Variants in NAAA observed in about 807,000 individuals in gnomAD.
NAAA encodes the protein N-acylethanolamine acid amidase, also known as N-acylethanolamine-hydrolyzing acid amidase.
A neutral mutation model predicts 44.8 loss-of-function variants in NAAA; 39 were observed. That is an observed-to-expected ratio of 0.87 (90% CI 0.67 to 1.14). The LOEUF (loss-of-function observed/expected upper bound fraction) is 1.14, where lower values mean the gene tolerates loss of function less well. Ranked by LOEUF, NAAA falls within the 50% of genes most tolerant of loss-of-function variation. The pLI is 0.00. For missense variants in NAAA, 460 were observed against 467.8 expected, an observed-to-expected ratio of 0.98 and a Z score of 0.15; for synonymous variants, 178 against 191.3, an observed-to-expected ratio of 0.93 and a Z score of 0.58.
downstream of NAAA, among the ~76,000 whole-genome samples, chr4:75,912,544 ACT>A (rs780519663): frequency 3.5e-4 from 50 of 144,434 alleles, no homozygotes; most frequent in Middle Eastern, 7.1e-3. Context: ...ACAGAGGGAG[ACT>A]CTGTCTGGAA....
chr4:75,929,083 C>T (rs1025827160), intron 4 of NAAA, among the ~76,000 whole-genome samples: 11 of 152,024 alleles, frequency 7.2e-5, no homozygotes, highest in South Asian at 2.1e-4. Context: ...TGATCCACCG[C>T]GCCCGGCCCA....
At position 75,914,217 on chromosome 4, in the gene NAAA, C is replaced by T. The variant is rs374582678; in HGVS notation, c.*158G>A. ...AACTCCAAATCTCCTGGACCCACTTCGCAAGGTTGTAAAGTTAAATGAGGA... is the reference window on the plus strand; with the variant it reads ...AACTCCAAATCTCCTGGACCCACTTTGCAAGGTTGTAAAGTTAAATGAGGA... On this transcript the variant is annotated 3_prime_UTR_variant, in exon 11 of 11. Coordinates refer to ENST00000286733, the MANE Select transcript of NAAA (RefSeq NM_014435.4). The T allele has an allele frequency of 1.1e-5, 11 of 985,620 alleles. No individual in the cohort carries two copies. In the African/African-American group the frequency reaches 1.4e-4, roughly 13 times the overall value. The allele number at this position is 985,620 out of a possible 1,614,324, so 61.1% of individuals were successfully genotyped here.
chr4:75,937,413 C>T (rs767953512), intron 2 of NAAA, among the ~76,000 whole-genome samples: 10 of 152,098 alleles, frequency 6.6e-5, no homozygotes, highest in South Asian at 4.1e-4. Context: ...AGTGAGACTC[C>T]GTCTCAAACA....
At chr4:75,924,053 TCA>T (rs1726429923) in intron 5 of NAAA, among the ~76,000 whole-genome samples, 1 of 152,172 alleles carries the variant, frequency 6.6e-6, no homozygotes, top group African/African-American at 2.4e-5. Flanking sequence ...CTCCTTCATT[TCA>T]CCACAGAAGC....
chr4:75,925,049 T>C (rs772835828), intron 5 of NAAA, among the ~76,000 whole-genome samples: 2 of 151,880 alleles, frequency 1.3e-5, no homozygotes, highest in African/African-American at 4.8e-5. Context: ...TGGAGTTCAG[T>C]GGCACCATCT....
At chr4:75,934,579 G>T (rs377513264) in intron 3 of NAAA, among the ~76,000 whole-genome samples, 1 of 150,722 alleles carries the variant, frequency 6.6e-6, no homozygotes, top group African/African-American at 2.4e-5. Context: ...CGCCTGCCTC[G>T]GCCTCCCAAA....
At chr4:75,928,605 C>G (rs559405700) in intron 4 of NAAA, among the ~76,000 whole-genome samples, 1 of 152,092 alleles carries the variant, frequency 6.6e-6, no homozygotes, top group South Asian at 2.1e-4. Flanking sequence ...GCCTAGTAGA[C>G]GTCAGAGTGG....
intron 7 of NAAA, 81 bp from the exon 8 acceptor site, chr4:75,920,056 T>C: frequency 1.6e-6 from 2 of 1,254,256 alleles, no homozygotes; most frequent in Non-Finnish European, 2.3e-6. Flanking sequence ...GGAGGCAGAA[T>C]GCAAGCTCCA....
intron 3 of NAAA, among the ~76,000 whole-genome samples, chr4:75,934,221 G>C (rs1294088309): frequency 2.0e-5 from 3 of 151,826 alleles, no homozygotes; most frequent in Non-Finnish European, 4.4e-5. Flanking sequence ...CTGTGAAGCT[G>C]GGCCCCCTCA....
chr4:75,916,348 T>C (rs1269200906), intron 9 of NAAA: 1 of 152,256 alleles, frequency 6.6e-6, no homozygotes, highest in African/African-American at 2.4e-5. Flanking sequence ...AAGTCTGTGT[T>C]AATTCTGGCT....
rs1249079222 is a variant in NAAA, at chr4:75,915,051, T to A, written c.999-66A>T. On this transcript the variant is annotated intron_variant, in intron 9 of 10. Coordinates refer to ENST00000286733, the MANE Select transcript of NAAA (RefSeq NM_014435.4). ...CTAATATGCCAGAAAGGGAAGAAAA[T>A]GACCAAGTGCTTCCCTAACACTTGA... 5.9e-6 allele frequency: 7 copies of A among 1,186,328 alleles called. No individual in the cohort carries two copies. In the Admixed American group the frequency reaches 1.2e-4, roughly 20 times the overall value. The allele number at this position is 1,186,328 out of a possible 1,614,324, so 73.5% of individuals were successfully genotyped here. A position where few individuals can be genotyped will look rare whatever the true frequency, so the allele number is the denominator to read the frequency against.
chr4:75,930,346 T>A (rs1302440842), intron 4 of NAAA: 4 of 411,650 alleles, frequency 9.7e-6, no homozygotes, highest in Non-Finnish European at 1.9e-5. Flanking sequence ...AGCAATTGGG[T>A]CAGGACCCAG....
chr4:75,918,380 G>A (rs1725824319), intron 9 of NAAA, among the ~76,000 whole-genome samples: 1 of 152,092 alleles, frequency 6.6e-6, no homozygotes, highest in South Asian at 2.1e-4. Context: ...GTGTGAACCT[G>A]GGAGGCAGAG....
chr4:75,936,362 C>T, intron 2 of NAAA, 127 bp from the exon 3 acceptor site: 1 of 998,940 alleles, frequency 1.0e-6, no homozygotes, highest in Non-Finnish European at 1.5e-6. Context: ...GATATATGTG[C>T]TATAATGCTT....
chr4:75,932,162 G>C lies in NAAA; in HGVS notation c.499-858C>G, dbSNP rs557634428. On this transcript the variant is annotated intron_variant, in intron 3 of 10. Coordinates refer to ENST00000286733, the MANE Select transcript of NAAA (RefSeq NM_014435.4). ...GAGAATCACTTGAACCCGGGAGGCG[G>C]AGGTTGCGGTGAACCGAGATAGCGC... Among the ~76,000 whole-genome samples the C allele has an allele frequency of 2.0e-3, 303 of 152,322 alleles. 2 individuals carry two copies. The highest frequency in any genetic ancestry group is 7.0e-3 in the African/African-American group (289 of 41,580).
chr4:75,921,056 T>A lies in NAAA; in HGVS notation c.734A>T (p.Asp245Val), dbSNP rs1726113642. The A allele has an allele frequency of 1.9e-6, 3 of 1,605,282 alleles. No homozygotes were observed. Among genetic ancestry groups the A allele is most frequent in the Non-Finnish European group, 2.5e-6 (3 of 1,178,078 alleles). ...CGTGCCACCAACAATGTAATAAACATCAGCAATAAGGGGAGTCTTGGCCAA... is the reference window on the plus strand; with the variant it reads ...CGTGCCACCAACAATGTAATAAACAACAGCAATAAGGGGAGTCTTGGCCAA... ...GKLAKTPLIADVYYIVGGTSP... is the reference protein window; with the variant it reads ...GKLAKTPLIAVVYYIVGGTSP... Residue 245 changes from aspartate to valine, a missense_variant, in exon 6 of 11, where the codon GAT becomes GTT. Asp to Val is a radical substitution (Grantham distance 152, BLOSUM62 -3). Transcript: ENST00000286733.
intron 3 of NAAA, among the ~76,000 whole-genome samples, chr4:75,932,440 A>C (rs988708281): frequency 6.6e-6 from 1 of 152,142 alleles, no homozygotes; most frequent in Non-Finnish European, 1.5e-5. Context: ...CATCACTCCT[A>C]CTTTAAATTA....
chr4:75,925,951 G>A (rs1560508805), intron 4 of NAAA, 140 bp from the exon 5 acceptor site: 1 of 748,332 alleles, frequency 1.3e-6, no homozygotes, highest in South Asian at 1.7e-5. Flanking sequence ...AGGATACAAT[G>A]ATAGTTATGT....
At chr4:75,914,737 A>G (rs1725494549) in intron 10 of NAAA, 131 bp downstream of exon 10, 3 of 605,720 alleles carry the variant, frequency 5.0e-6, no homozygotes, top group Admixed American at 5.9e-5. Flanking sequence ...ACAATCTGAC[A>G]CAAATGACAA....
Sources: gnomAD v4.1 joint callset for allele counts (sites outside exome capture counted in the v4.1 genomes callset) on GRCh38, gnomAD v4.1.1 for gene constraint, MANE v1.5 for transcripts, NCBI Gene and HGNC (gene_info 2026-07-23, HGNC 2026-07-21) for gene names.